Variants in EPM2A observed in about 807,000 individuals in gnomAD.
EPM2A encodes laforin.
A neutral mutation model predicts 26.5 loss-of-function variants in EPM2A; 21 were observed. That is an observed-to-expected ratio of 0.79 (90% CI 0.56 to 1.14). EPM2A has a LOEUF of 1.14. Among genes scored for constraint, EPM2A ranks in the 50% most tolerant of loss-of-function variants. The pLI is 0.00. For synonymous variants in EPM2A, 217 were observed against 177.6 expected, an observed-to-expected ratio of 1.22 and a Z score of -1.76; for missense variants, 458 against 440.8, an observed-to-expected ratio of 1.04 and a Z score of -0.35.
rs184935406 is a variant in EPM2A at position 145,395,289 on chromosome 6, A to G, written c.556-11192T>C. 3.9e-5 allele frequency among the ~76,000 whole-genome samples: 6 copies of G among 152,220 alleles called. No individual in the cohort carries two copies. The East Asian group carries it at 1.2e-3, about 29-fold the overall frequency. Reference sequence around the variant, plus strand: ...CAAGGTAGAGAGGTTTCAAGGACCTAAAAGGTCAGTTGGCCTCACCCCCTA... The same window carrying G: ...CAAGGTAGAGAGGTTTCAAGGACCTGAAAGGTCAGTTGGCCTCACCCCCTA... On this transcript the variant is annotated intron_variant, in intron 4 of 4. Transcript: ENST00000638717.
chr6:145,719,575 A>C lies in EPM2A; in HGVS notation c.301+15623T>G, dbSNP rs62433839. 5.9e-3 allele frequency among the ~76,000 whole-genome samples: 896 copies of C among 152,268 alleles called. 5 individuals are homozygous for C. Among genetic ancestry groups the C allele is most frequent in the Non-Finnish European group, 9.6e-3 (653 of 68,020 alleles). ...CAGCATGGCACATGTATACATATGT[A>C]ACTAACCTGCACATTGTGTACATGT... is the stretch of plus-strand genomic sequence containing the variant. On this transcript the variant is annotated intron_variant, in intron 1 of 3. Coordinates refer to ENST00000367519, the MANE Select transcript of EPM2A (RefSeq NM_005670.4).
At chr6:145,476,101 A>C (rs900607923) in intron 4 of EPM2A, among the ~76,000 whole-genome samples, 2 of 152,162 alleles carry the variant, frequency 1.3e-5, no homozygotes, top group African/African-American at 4.8e-5. Flanking sequence ...AATTGAAACC[A>C]AAACAGAGCA....
chr6:145,571,834 G>A (rs1013888911), intron 2 of EPM2A, among the ~76,000 whole-genome samples: 3 of 152,134 alleles, frequency 2.0e-5, no homozygotes, highest in African/African-American at 4.8e-5. Flanking sequence ...GAGGCTGAGC[G>A]GTGTCCACAG....
chr6:145,635,379 T>A lies in EPM2A; in HGVS notation c.584A>T (p.Glu195Val), dbSNP rs777039727. The change falls in exon 3 of 4, where the codon GAA becomes GTA. Residue 195 changes from glutamate to valine, a missense_variant. Glu to Val is a moderately radical substitution (Grantham distance 121). Coordinates refer to ENST00000367519, the MANE Select transcript of EPM2A (RefSeq NM_005670.4). The part of the protein sequence containing the change: ...GITAVMNFQT[E>V]WDIVQNSSGC... ...TGAGGAATTCTGTACAATATCCCAT[T>A]CAGTCTGGAAATTCATTACAGCTGT... The A allele has an allele frequency of 6.2e-7, 1 of 1,614,192 alleles. No individual in the cohort carries two copies. Among genetic ancestry groups the A allele is most frequent in the East Asian group, 2.2e-5 (1 of 44,880 alleles).
intron 1 of EPM2A, among the ~76,000 whole-genome samples, chr6:145,719,803 A>C (rs567068648): frequency 1.7e-3 from 253 of 152,246 alleles, no homozygotes; most frequent in Non-Finnish European, 3.0e-3. Context: ...TGAGCTTCCA[A>C]GTTCTTCCAT....
intron 3 of EPM2A, chr6:145,629,498 G>T (rs1776083941): frequency 6.6e-6 from 1 of 152,268 alleles, no homozygotes; most frequent in African/African-American, 2.4e-5. Context: ...GCATGTCTCA[G>T]GGAGAGCACT....
chr6:145,722,035 A>G (rs1444768328), intron 1 of EPM2A, among the ~76,000 whole-genome samples: 1 of 152,184 alleles, frequency 6.6e-6, no homozygotes, highest in Non-Finnish European at 1.5e-5. Context: ...TAAAAGTAAC[A>G]AGTAATATCA....
intron 4 of EPM2A, among the ~76,000 whole-genome samples, chr6:145,425,048 T>C (rs1778835202): frequency 6.6e-6 from 1 of 152,126 alleles, no homozygotes; most frequent in African/African-American, 2.4e-5. Flanking sequence ...TACAGTACCA[T>C]ATGCGATTGA....
chr6:145,549,133 C>A (rs1021289815), intron 2 of EPM2A, among the ~76,000 whole-genome samples: 1 of 152,014 alleles, frequency 6.6e-6, no homozygotes, highest in Admixed American at 6.6e-5. Context: ...ACCCTCAGGG[C>A]AAAATTACTC....
intron 2 of EPM2A, among the ~76,000 whole-genome samples, chr6:145,586,343 T>C (rs923447477): frequency 6.6e-6 from 1 of 151,508 alleles, no homozygotes; most frequent in African/African-American, 2.4e-5. Context: ...GAATTTAACG[T>C]CTTTTTTTTA....
chr6:145,711,388 T>C (rs1243096743), intron 1 of EPM2A, among the ~76,000 whole-genome samples: 1 of 152,174 alleles, frequency 6.6e-6, no homozygotes, highest in Non-Finnish European at 1.5e-5. Flanking sequence ...TGTCTTTAAA[T>C]CAGGAACACA....
chr6:145,459,159 A>G (rs1779297714), intron 4 of EPM2A, among the ~76,000 whole-genome samples: 1 of 152,192 alleles, frequency 6.6e-6, no homozygotes, highest in African/African-American at 2.4e-5. Flanking sequence ...AGTATGGACA[A>G]GTGGGGATAT....
intron 2 of EPM2A, among the ~76,000 whole-genome samples, chr6:145,683,053 T>C (rs1780655106): frequency 1.3e-5 from 2 of 152,190 alleles, no homozygotes; most frequent in Non-Finnish European, 2.9e-5. Flanking sequence ...TAATGAAATA[T>C]AAAATGCCTT....
chr6:145,401,070 T>G (rs928670644), intron 4 of EPM2A, among the ~76,000 whole-genome samples: 1 of 152,172 alleles, frequency 6.6e-6, no homozygotes. Context: ...AATACAATAT[T>G]GTAATAATAC....
intron 1 of EPM2A, among the ~76,000 whole-genome samples, chr6:145,698,622 A>C (rs984353038): frequency 6.7e-6 from 1 of 148,806 alleles, no homozygotes; most frequent in African/African-American, 2.5e-5. Context: ...AAAAAAAAAA[A>C]CAAGGTAAAA....
chr6:145,489,503 A>G (rs1779727217), intron 4 of EPM2A: 1 of 569,618 alleles, frequency 1.8e-6, no homozygotes, highest in Admixed American at 3.3e-5. Context: ...TTCAACAAAA[A>G]CAATTCAGCA....
chr6:145,473,405 A>C (rs1267519126), intron 4 of EPM2A, among the ~76,000 whole-genome samples: 5 of 152,096 alleles, frequency 3.3e-5, no homozygotes, highest in African/African-American at 1.2e-4. Context: ...GCATGCCTAC[A>C]TGATCTAGAA....
At chr6:145,485,186 A>C (rs1489077362) in intron 4 of EPM2A, among the ~76,000 whole-genome samples, 1 of 151,924 alleles carries the variant, frequency 6.6e-6, no homozygotes, top group Non-Finnish European at 1.5e-5. Flanking sequence ...TAAAATTGCA[A>C]TAGAAAAATG....
In EPM2A at chr6:145,726,033, A is replaced by G. The variant is rs75013177; in HGVS notation, c.301+9165T>C. Among the ~76,000 whole-genome samples, 49 of 152,230 alleles carry G rather than the reference A, an allele frequency of 3.2e-4. No individual in the cohort carries two copies. The East Asian group carries it at 7.9e-3, about 25-fold the overall frequency. ...TCTTGATTTCTAATATCATTCTACA[A>G]TAAAATCAAACAGAGCTCCTTGGAG... On this transcript the variant is annotated intron_variant, in intron 1 of 3. Coordinates refer to ENST00000367519, the MANE Select transcript of EPM2A (RefSeq NM_005670.4).
Sources: gnomAD v4.1 joint callset for allele counts (sites outside exome capture counted in the v4.1 genomes callset) on GRCh38, gnomAD v4.1.1 for gene constraint, MANE v1.5 for transcripts, NCBI Gene and HGNC (gene_info 2026-07-23, HGNC 2026-07-21) for gene names.